The following EGFLAM variants were observed in gnomAD, a reference collection of about 807,000 sequenced individuals.
The protein encoded by EGFLAM is pikachurin.
Under a neutral mutation model 113.1 loss-of-function variants are expected in EGFLAM, and 79 were observed. The observed-to-expected ratio is 0.70, with a 90% CI of 0.58 to 0.84. EGFLAM has a LOEUF of 0.84. Among genes scored for constraint, EGFLAM ranks in the 40% least tolerant of loss-of-function variants. The probability of loss-of-function intolerance (pLI) is 0.00; values close to 1 mark genes in which losing one functional copy is unlikely to be tolerated. For missense variants in EGFLAM, 1,265 were observed against 1,291.6 expected, an observed-to-expected ratio of 0.98 and a Z score of 0.32; for synonymous variants, 504 against 487.6, an observed-to-expected ratio of 1.03 and a Z score of -0.44.
intron 18 of EGFLAM, among the ~76,000 whole-genome samples, chr5:38,449,948 C>T (rs370846003): frequency 1.3e-5 from 2 of 152,188 alleles, no homozygotes; most frequent in Admixed American, 1.3e-4. Context: ...CTGTCCTCAG[C>T]GTCTTCTCCA....
intron 1 of EGFLAM, among the ~76,000 whole-genome samples, chr5:38,266,868 TG>T (rs747959535): frequency 6.6e-6 from 1 of 152,200 alleles, no homozygotes; most frequent in Non-Finnish European, 1.5e-5. Context: ...GTCCAGGTTT[TG>T]CTCACTGATA....
chr5:38,374,375 TGGGCAG>T (rs1412712348), intron 6 of EGFLAM, among the ~76,000 whole-genome samples: 2 of 152,112 alleles, frequency 1.3e-5, no homozygotes, highest in Non-Finnish European at 2.9e-5. Context: ...GATAATTTGT[TGGGCAG>T]GGGCTTGGGA....
At chr5:38,432,210 G>T (rs1342079784) in intron 15 of EGFLAM, among the ~76,000 whole-genome samples, 1 of 152,028 alleles carries the variant, frequency 6.6e-6, no homozygotes, top group African/African-American at 2.4e-5. Flanking sequence ...AAAGGACATT[G>T]ATAAATTTGG....
At chr5:38,431,563 C>T (rs909643775) in intron 15 of EGFLAM, among the ~76,000 whole-genome samples, 3 of 152,172 alleles carry the variant, frequency 2.0e-5, no homozygotes, top group Admixed American at 6.5e-5. Context: ...TTCACCTCTT[C>T]GCCTCCCAAC....
At chr5:38,301,047 A>G (rs551728830) in intron 1 of EGFLAM, among the ~76,000 whole-genome samples, 2 of 152,250 alleles carry the variant, frequency 1.3e-5, no homozygotes, top group South Asian at 2.1e-4. Flanking sequence ...GTGTTGTTAC[A>G]TGGGAGTTGC....
At chr5:38,418,876 G>T (rs1370633347) in intron 12 of EGFLAM, among the ~76,000 whole-genome samples, 4 of 152,190 alleles carry the variant, frequency 2.6e-5, no homozygotes, top group African/African-American at 7.2e-5. Context: ...ACTGAAGGCA[G>T]CAGGTAGATA....
chr5:38,463,984 T>C lies in EGFLAM; in HGVS notation c.3028T>C (p.Ter1010GlnextTer14). The C allele has an allele frequency of 6.2e-7, 1 of 1,614,222 alleles. No individual in the cohort carries two copies. The highest frequency in any genetic ancestry group is 8.5e-7 in the Non-Finnish European group (1 of 1,180,036). The change falls in exon 22 of 22, where the codon TAA becomes CAA. Residue 1010 changes from the stop codon to glutamine (Q), a stop_lost. Coordinates refer to ENST00000322350, the MANE Select transcript of EGFLAM (RefSeq NM_152403.4). Reference protein sequence around the residue: ...GKNINTCGAK* With the variant: ...GKNINTCGAKQ ...AAACATCAACACTTGTGGAGCCAAG[T>C]AACACCAGCTGGCCTTGTCCAAGGG...
intron 1 of EGFLAM, among the ~76,000 whole-genome samples, chr5:38,318,982 G>C (rs559915551): frequency 4.3e-4 from 65 of 152,272 alleles, no homozygotes; most frequent in African/African-American, 1.5e-3. Flanking sequence ...AGGCTGGTTG[G>C]AGATGTTATA....
At chr5:38,340,851 G>A (rs1407755887) in intron 3 of EGFLAM, among the ~76,000 whole-genome samples, 402 of 65,184 alleles carry the variant, frequency 6.2e-3, no homozygotes, top group Admixed American at 8.6e-3. Flanking sequence ...GTGTTTGGGG[G>A]GGTGGGGGGT....
intron 1 of EGFLAM, among the ~76,000 whole-genome samples, chr5:38,302,582 T>G (rs1466010636): frequency 6.6e-6 from 1 of 152,092 alleles, no homozygotes; most frequent in Admixed American, 6.5e-5. Flanking sequence ...TTCTAAAATA[T>G]AATTAACTTT....
intron 5 of EGFLAM, among the ~76,000 whole-genome samples, chr5:38,369,444 G>A (rs574760018): frequency 6.6e-6 from 1 of 152,318 alleles, no homozygotes; most frequent in Non-Finnish European, 1.5e-5. Flanking sequence ...GAGTAAGCAG[G>A]CAGCTATAAG....
chr5:38,463,563 G>T, intron 21 of EGFLAM, among the ~76,000 whole-genome samples: 1 of 152,360 alleles, frequency 6.6e-6, no homozygotes, highest in East Asian at 1.9e-4. Context: ...AAGGTGGTCA[G>T]TTGGGCCAGA....
chr5:38,290,587 A>G (rs1758299914), intron 1 of EGFLAM: 1 of 152,102 alleles, frequency 6.6e-6, no homozygotes, highest in South Asian at 2.1e-4. Context: ...CAAAAAAAAA[A>G]TGGATTACTG....
intron 9 of EGFLAM, among the ~76,000 whole-genome samples, chr5:38,408,609 T>C (rs193017863): frequency 1.3e-5 from 2 of 152,284 alleles, no homozygotes; most frequent in East Asian, 3.9e-4. Flanking sequence ...CAAATGTGCA[T>C]GCCTCCCCAG....
intron 11 of EGFLAM, among the ~76,000 whole-genome samples, chr5:38,414,435 G>C (rs1390206977): frequency 6.6e-6 from 1 of 152,224 alleles, no homozygotes; most frequent in Non-Finnish European, 1.5e-5. Context: ...AAGTTCCATA[G>C]CTGTTAACAA....
chr5:38,448,549 G>A lies in EGFLAM; in HGVS notation c.2543+170G>A, dbSNP rs529430950. 106 of 668,064 alleles carry A rather than the reference G, an allele frequency of 1.6e-4. No homozygotes were observed. In the African/African-American group the frequency reaches 1.7e-3, roughly 11 times the overall value. 41.4% of individuals were successfully genotyped at this position (668,064 alleles called of 1,614,324 possible). On this transcript the variant is annotated intron_variant, in intron 18 of 21. Coordinates refer to ENST00000322350, the MANE Select transcript of EGFLAM (RefSeq NM_152403.4). ...CAACAAGAAATAAACATAGAAACTAGAGCAAAATAAAACAAAAAACAAACT... is the reference window on the plus strand; with the variant it reads ...CAACAAGAAATAAACATAGAAACTAAAGCAAAATAAAACAAAAAACAAACT...
chr5:38,327,931 A>G (rs973402271), intron 1 of EGFLAM, among the ~76,000 whole-genome samples: 2 of 152,234 alleles, frequency 1.3e-5, no homozygotes, highest in Non-Finnish European at 2.9e-5. Flanking sequence ...GTGATACACC[A>G]TACTTGGCCT....
chr5:38,263,402 C>T (rs1314521437), intron 1 of EGFLAM, among the ~76,000 whole-genome samples: 1 of 152,154 alleles, frequency 6.6e-6, no homozygotes, highest in Non-Finnish European at 1.5e-5. Context: ...AGGGAGGTTA[C>T]CATGAGCCAA....
chr5:38,450,009 C>T (rs1221060563), intron 18 of EGFLAM, among the ~76,000 whole-genome samples: 1 of 152,206 alleles, frequency 6.6e-6, no homozygotes, highest in Admixed American at 6.5e-5. Context: ...ACTCTGACTA[C>T]ATCCAGTGGA....
Sources: gnomAD v4.1 joint callset for allele counts (sites outside exome capture counted in the v4.1 genomes callset) on GRCh38, gnomAD v4.1.1 for gene constraint, MANE v1.5 for transcripts, NCBI Gene and HGNC (gene_info 2026-07-23, HGNC 2026-07-21) for gene names.